Variants in GMDS observed in about 807,000 individuals in gnomAD.
The protein encoded by GMDS is GDP-mannose 4,6 dehydratase.
GMDS carries 20 observed loss-of-function variants against 49.9 expected under a neutral mutation model. The ratio of observed to expected loss-of-function variants is 0.40; its 90% CI spans 0.28 to 0.58. The LOEUF (loss-of-function observed/expected upper bound fraction) is 0.58. Ranked by LOEUF, GMDS falls within the 20% of genes least tolerant of loss-of-function variation. The pLI, the probability that GMDS is intolerant of heterozygous loss-of-function variation, is 0.42. For missense variants in GMDS, 362 were observed against 481.4 expected (o/e 0.75, Z 2.32); for synonymous variants, 177 against 178.6 (o/e 0.99, Z 0.07).
intron 7 of GMDS, among the ~76,000 whole-genome samples, chr6:1,769,982 T>G (rs926837921): frequency 2.0e-5 from 3 of 152,198 alleles, no homozygotes; most frequent in Non-Finnish European, 4.4e-5. Context: ...CGCCTCGGCC[T>G]CCCCGAGTGC....
chr6:1,820,230 A>T (rs1486265721), intron 7 of GMDS, among the ~76,000 whole-genome samples: 1 of 152,174 alleles, frequency 6.6e-6, no homozygotes, highest in Admixed American at 6.5e-5. Flanking sequence ...CTGAAAGAAG[A>T]GGCATGAATT....
chr6:2,231,251 T>C (rs1001473528), intron 1 of GMDS, among the ~76,000 whole-genome samples: 4 of 152,168 alleles, frequency 2.6e-5, no homozygotes, highest in African/African-American at 9.6e-5. Flanking sequence ...AGTATATTCT[T>C]TGTGAGGTAT....
At chr6:1,937,641 G>A (rs1762615365) in intron 6 of GMDS, among the ~76,000 whole-genome samples, 1 of 152,208 alleles carries the variant, frequency 6.6e-6, no homozygotes, top group Non-Finnish European at 1.5e-5. Flanking sequence ...CATATGAATA[G>A]TGCTTTCTCC....
intron 2 of GMDS, among the ~76,000 whole-genome samples, chr6:2,121,018 C>G (rs1775109214): frequency 6.6e-6 from 1 of 152,190 alleles, no homozygotes; most frequent in Non-Finnish European, 1.5e-5. Context: ...ACCTTCACAA[C>G]CACCTTGGGA....
intron 9 of GMDS, among the ~76,000 whole-genome samples, chr6:1,673,850 T>C (rs900054271): frequency 6.6e-6 from 1 of 152,010 alleles, no homozygotes; most frequent in African/African-American, 2.4e-5. Context: ...GGTTCCTCCA[T>C]GGCCTTTCAT....
intron 7 of GMDS, among the ~76,000 whole-genome samples, chr6:1,792,427 T>C (rs1037768736): frequency 6.6e-6 from 1 of 152,186 alleles, no homozygotes; most frequent in Admixed American, 6.5e-5. Flanking sequence ...ATCCAGTTTG[T>C]TTCACCTTCG....
chr6:1,915,311 T>A (rs975959773), intron 7 of GMDS, among the ~76,000 whole-genome samples: 1 of 152,168 alleles, frequency 6.6e-6, no homozygotes, highest in Non-Finnish European at 1.5e-5. Context: ...GAATAAAGCA[T>A]TGCAGACAAG....
chr6:1,837,948 T>C (rs941083841), intron 7 of GMDS, among the ~76,000 whole-genome samples: 1 of 152,150 alleles, frequency 6.6e-6, no homozygotes, highest in African/African-American at 2.4e-5. Flanking sequence ...GCCCACCAAG[T>C]GCTCTGAAAG....
rs755690306 is a variant in GMDS, at chr6:1,833,350, C to T, written c.772-90764G>A. Among the ~76,000 whole-genome samples, 10 of 151,734 alleles carry T rather than the reference C, an allele frequency of 6.6e-5. No individual in the cohort carries two copies. The highest frequency in any genetic ancestry group is 1.3e-4 in the Admixed American group (2 of 15,234). On this transcript the variant is annotated intron_variant, in intron 7 of 10. Coordinates refer to ENST00000380815, the MANE Select transcript of GMDS (RefSeq NM_001500.4). This position sits in a 1 kb window ranked among gnomAD's most constrained non-coding sequence, Gnocchi z 4.4. Reference sequence around the variant, plus strand: ...CTTCCTTCATATGGAAAGCTCATCTCGGAGGTGTCAGGATAAAACATGAGA... The same window carrying T: ...CTTCCTTCATATGGAAAGCTCATCTTGGAGGTGTCAGGATAAAACATGAGA...
At chr6:2,160,462 CT>C (rs1438071351) in intron 1 of GMDS, among the ~76,000 whole-genome samples, 1 of 152,212 alleles carries the variant, frequency 6.6e-6, no homozygotes, top group Non-Finnish European at 1.5e-5. Flanking sequence ...CAAACTCCAA[CT>C]TTATTAACTC....
chr6:1,867,138 T>C (rs541691637), intron 7 of GMDS, among the ~76,000 whole-genome samples: 1 of 152,314 alleles, frequency 6.6e-6, no homozygotes, highest in Admixed American at 6.5e-5. Flanking sequence ...TCTGGTGAAA[T>C]CTTTAATAAA....
At chr6:1,634,136 C>T (rs1763075045) in intron 9 of GMDS, among the ~76,000 whole-genome samples, 1 of 152,210 alleles carries the variant, frequency 6.6e-6, no homozygotes, top group Non-Finnish European at 1.5e-5. Flanking sequence ...GTCCACCTAA[C>T]CTAAAAGCAC....
chr6:1,678,543 T>C lies in GMDS; in HGVS notation c.987+47873A>G, dbSNP rs377752634. Among the ~76,000 whole-genome samples, 89 of 152,242 alleles carry C rather than the reference T, an allele frequency of 5.8e-4. 3 individuals are homozygous for C. The South Asian group carries it at 0.018, about 31-fold the overall frequency. On this transcript the variant is annotated intron_variant, in intron 9 of 10. Transcript: ENST00000380815. ...TGACAACTTCCTTGCTCCTTACAAG[T>C]TGGGCTGGAATCAGAAGTGAGTTCA... is the stretch of plus-strand genomic sequence containing the variant.
At chr6:1,999,985 ATATATATATATTATATATATATATTTTT>A (rs1766631998) in intron 4 of GMDS, among the ~76,000 whole-genome samples, 2 of 10,946 alleles carry the variant, frequency 1.8e-4, no homozygotes, top group African/African-American at 6.6e-4. Flanking sequence ...TATATATTTT[ATATATATATATTATATATATATATTTTT>A]TATATATATA....
intron 9 of GMDS, among the ~76,000 whole-genome samples, chr6:1,723,389 C>G (rs554087037): frequency 1.4e-5 from 2 of 145,532 alleles, no homozygotes; most frequent in South Asian, 2.2e-4. Context: ...TGCAGTGGCA[C>G]GACCTTGGCT....
At chr6:1,744,384 C>T (rs1233167943) in intron 7 of GMDS, among the ~76,000 whole-genome samples, 1 of 152,128 alleles carries the variant, frequency 6.6e-6, no homozygotes, top group Non-Finnish European at 1.5e-5. Flanking sequence ...AATGGAATAC[C>T]TGCAATTTCA....
At chr6:1,990,075 T>G (rs768968976) in intron 4 of GMDS, among the ~76,000 whole-genome samples, 98 of 152,162 alleles carry the variant, frequency 6.4e-4, no homozygotes, top group Non-Finnish European at 1.2e-3. Context: ...GGCGGGTGGA[T>G]CATGAGGTCA....
At chr6:1,867,848 T>C (rs1758515145) in intron 7 of GMDS, among the ~76,000 whole-genome samples, 1 of 152,202 alleles carries the variant, frequency 6.6e-6, no homozygotes, top group African/African-American at 2.4e-5. Flanking sequence ...ATACTGGTAA[T>C]AGAAGGCAGG....
intron 4 of GMDS, among the ~76,000 whole-genome samples, chr6:2,105,739 G>A (rs1049732538): frequency 5.9e-5 from 9 of 152,146 alleles, no homozygotes; most frequent in African/African-American, 2.2e-4. Context: ...TATATGGAAT[G>A]GGAGTAGAAA....
Sources: allele counts gnomAD v4.1 joint callset (sites outside exome capture counted in the v4.1 genomes callset), GRCh38; gene constraint gnomAD v4.1.1; non-coding constraint Gnocchi (gnomAD v3.1); transcripts MANE v1.5; gene names NCBI Gene and HGNC (gene_info 2026-07-23, HGNC 2026-07-21).